The following EIF4G3 variants were observed in gnomAD, a reference collection of about 807,000 sequenced individuals.
EIF4G3 encodes eIF-4-gamma 3.
Under a neutral mutation model 186.4 loss-of-function variants are expected in EIF4G3, and 34 were observed. That is an observed-to-expected ratio of 0.18 (90% CI 0.14 to 0.24). The LOEUF (loss-of-function observed/expected upper bound fraction) is 0.24, where lower values mean the gene tolerates loss of function less well. Among genes scored for constraint, EIF4G3 ranks in the 10% least tolerant of loss-of-function variants. The pLI is 1.00. For synonymous variants in EIF4G3, 673 were observed against 679.5 expected (o/e 0.99, Z 0.15); for missense variants, 1,536 against 1,948.5 (o/e 0.79, Z 3.99).
At chr1:21,173,828 T>C (rs1205600907) in intron 2 of EIF4G3, among the ~76,000 whole-genome samples, 3 of 152,230 alleles carry the variant, frequency 2.0e-5, no homozygotes, top group Admixed American at 6.5e-5. Context: ...GATGCTTAAA[T>C]GTTATCCACT....
chr1:21,089,513 A>G (rs994089939), intron 2 of EIF4G3, among the ~76,000 whole-genome samples: 1 of 152,146 alleles, frequency 6.6e-6, no homozygotes, highest in Non-Finnish European at 1.5e-5. Context: ...TGTACTAAAA[A>G]TAACTGGCTG....
chr1:20,984,747 G>A lies in EIF4G3; in HGVS notation c.178-2339C>T, dbSNP rs188747086. ...TGGGACTACAGCCACATGCCACCAC[G>A]CCCAGCTAATTTTTGTATTTTTAGT... On this transcript the variant is annotated intron_variant, in intron 7 of 36. Coordinates refer to ENST00000602326, the MANE Select transcript of EIF4G3 (RefSeq NM_001391906.1). Among the ~76,000 whole-genome samples, 341 of 151,662 alleles carry A rather than the reference G, an allele frequency of 2.2e-3. 2 individuals carry two copies. The highest frequency in any genetic ancestry group is 7.6e-3 in the African/African-American group (315 of 41,312).
chr1:20,887,555 A>G (rs1320879868), intron 18 of EIF4G3, among the ~76,000 whole-genome samples: 2 of 152,140 alleles, frequency 1.3e-5, no homozygotes, highest in Non-Finnish European at 2.9e-5. Context: ...ATCAGGATCA[A>G]AAGTTAGGGT....
chr1:20,833,809 A>C (rs930838054), intron 30 of EIF4G3, among the ~76,000 whole-genome samples: 2 of 152,240 alleles, frequency 1.3e-5, no homozygotes, highest in Non-Finnish European at 2.9e-5. Flanking sequence ...TTTCAACATA[A>C]TAAGAGCTAT....
chr1:20,985,532 A>T (rs1399541144), intron 7 of EIF4G3, among the ~76,000 whole-genome samples: 1 of 150,640 alleles, frequency 6.6e-6, no homozygotes, highest in African/African-American at 2.4e-5. Context: ...AAAAAAAAAT[A>T]TATATCCTTT....
At position 20,941,879 on chromosome 1, in the gene EIF4G3, C is replaced by A. The variant is rs150884106; in HGVS notation, c.1275G>T (p.Thr425=). ...INGVSEKLSA[T]ESIVEIVKQE... ...GTTTTACTATTTCCACAATGCTCTC[C>A]GTGGCTGATAATTTTTCGCTAACTC... Residue 425 remains threonine, a synonymous_variant, in exon 14 of 37, where the codon ACG becomes ACT. Coordinates refer to ENST00000602326, the MANE Select transcript of EIF4G3 (RefSeq NM_001391906.1). The A allele has an allele frequency of 2.2e-5, 35 of 1,614,114 alleles. No homozygotes were observed. In the African/African-American group the frequency reaches 4.3e-4, roughly 20 times the overall value.
intron 14 of EIF4G3, chr1:20,941,095 G>T: frequency 1.2e-6 from 1 of 849,836 alleles, no homozygotes. Flanking sequence ...GGATTGACTG[G>T]GTTTTAAAAT....
At chr1:20,934,586 G>A (rs2095454537) in intron 14 of EIF4G3, among the ~76,000 whole-genome samples, 1 of 152,070 alleles carries the variant, frequency 6.6e-6, no homozygotes, top group African/African-American at 2.4e-5. Context: ...AGTAGCACTG[G>A]GCAGAGTAAA....
intron 15 of EIF4G3, among the ~76,000 whole-genome samples, chr1:20,900,829 AGAG>A (rs1468042358): frequency 6.6e-6 from 1 of 152,218 alleles, no homozygotes; most frequent in African/African-American, 2.4e-5. Context: ...CTGGTTCAGC[AGAG>A]GATAGTGTAA....
chr1:21,143,306 G>A (rs948696353), intron 2 of EIF4G3, among the ~76,000 whole-genome samples: 2 of 149,486 alleles, frequency 1.3e-5, no homozygotes, highest in Non-Finnish European at 3.0e-5. Context: ...GAGAGACAAA[G>A]AAAGAAAGAG....
chr1:20,822,355 C>CTTTTTTTTTTT (rs57050580), intron 33 of EIF4G3, among the ~76,000 whole-genome samples: 1 of 65,048 alleles, frequency 1.5e-5, no homozygotes, highest in Non-Finnish European at 2.7e-5. Flanking sequence ...AAAGAACCAG[C>CTTTTTTTTTTT]TTTTTTTTTT....
At chr1:21,143,678 G>A (rs906011225) in intron 2 of EIF4G3, among the ~76,000 whole-genome samples, 6 of 152,070 alleles carry the variant, frequency 3.9e-5, no homozygotes, top group African/African-American at 1.4e-4. Context: ...ATACACTTTG[G>A]GAGGCCGAGG....
At chr1:20,904,624 AGTT>A (rs1229763125) in intron 15 of EIF4G3, among the ~76,000 whole-genome samples, 1 of 152,186 alleles carries the variant, frequency 6.6e-6, no homozygotes. Flanking sequence ...CTGGGATTAC[AGTT>A]GTTAGCCACT....
intron 13 of EIF4G3, among the ~76,000 whole-genome samples, chr1:20,945,039 G>A (rs1415990750): frequency 6.6e-6 from 1 of 151,850 alleles, no homozygotes; most frequent in African/African-American, 2.4e-5. Context: ...AAAACAAATT[G>A]TGAGTTCTTC....
At chr1:20,872,737 G>A (rs1200041054) in intron 20 of EIF4G3, among the ~76,000 whole-genome samples, 1 of 12,880 alleles carries the variant, frequency 7.8e-5, no homozygotes, top group African/African-American at 2.9e-4. Context: ...TTTTTTTTTT[G>A]AGACAGAGCC....
At chr1:21,015,168 T>C (rs893164501) in intron 4 of EIF4G3, among the ~76,000 whole-genome samples, 3 of 151,956 alleles carry the variant, frequency 2.0e-5, no homozygotes, top group Admixed American at 6.6e-5. Context: ...AAGCAGTCTC[T>C]AATAACAGAA....
intron 4 of EIF4G3, among the ~76,000 whole-genome samples, chr1:21,015,756 G>A (rs72654811): frequency 0.02 from 2,671 of 131,504 alleles, no homozygotes; most frequent in Non-Finnish European, 0.026. Context: ...TGAAAGGAAA[G>A]AAAAAAAAAA....
chr1:20,938,474 T>C (rs1443003020), intron 14 of EIF4G3, among the ~76,000 whole-genome samples: 1 of 152,192 alleles, frequency 6.6e-6, no homozygotes, highest in African/African-American at 2.4e-5. Flanking sequence ...AGCTTTGAGG[T>C]GTTTCATCCT....
intron 7 of EIF4G3, among the ~76,000 whole-genome samples, chr1:20,986,296 C>T (rs909420683): frequency 6.6e-6 from 1 of 152,178 alleles, no homozygotes; most frequent in African/African-American, 2.4e-5. Context: ...ATCACAGGAG[C>T]AGTTTTGATA....
Sources: gnomAD v4.1 joint callset for allele counts (sites outside exome capture counted in the v4.1 genomes callset) on GRCh38, gnomAD v4.1.1 for gene constraint, MANE v1.5 for transcripts, NCBI Gene and HGNC (gene_info 2026-07-23, HGNC 2026-07-21) for gene names.